The following PRKAR1B variants were observed in gnomAD, a reference collection of about 807,000 sequenced individuals.
PRKAR1B encodes the protein cAMP-dependent protein kinase type I-beta regulatory subunit.
In PRKAR1B, 22 loss-of-function variants were observed where a neutral mutation model predicts 46.5. That is an observed-to-expected ratio of 0.47 (90% confidence interval 0.34 to 0.68). PRKAR1B has a LOEUF of 0.68. PRKAR1B is among the 30% of genes least tolerant of loss of function. The pLI is 0.01. For synonymous variants in PRKAR1B, 259 were observed against 217.7 expected (o/e 1.19, Z -1.67); for missense variants, 445 against 535.6 (o/e 0.83, Z 1.67).
chr7:632,849 A>G (rs1783834008), intron 4 of PRKAR1B, among the ~76,000 whole-genome samples: 1 of 81,046 alleles, frequency 1.2e-5, no homozygotes, highest in African/African-American at 4.1e-5. Context: ...CTGTGTGCCC[A>G]GCCACAGCCT....
intron 8 of PRKAR1B, among the ~76,000 whole-genome samples, chr7:580,098 G>A (rs901878966): frequency 6.6e-6 from 1 of 151,864 alleles, no homozygotes; most frequent in Non-Finnish European, 1.5e-5. Context: ...AGGCGTGGTG[G>A]TGTACACCTG....
chr7:594,936 C>T (rs1282466602), intron 7 of PRKAR1B, among the ~76,000 whole-genome samples: 1 of 152,232 alleles, frequency 6.6e-6, no homozygotes, highest in African/African-American at 2.4e-5. Flanking sequence ...CTGTGGCAGA[C>T]CCAGAGCTTC....
intron 4 of PRKAR1B, among the ~76,000 whole-genome samples, chr7:642,834 C>G (rs921069069): frequency 1.3e-5 from 2 of 151,452 alleles, no homozygotes; most frequent in South Asian, 2.1e-4. Context: ...GCAGCACACT[C>G]GGTTCACCAC....
intron 8 of PRKAR1B, among the ~76,000 whole-genome samples, chr7:582,588 T>G (rs1385331561): frequency 6.6e-6 from 1 of 152,198 alleles, no homozygotes; most frequent in Non-Finnish European, 1.5e-5. Context: ...GGCCAGGGCG[T>G]GCGACGGCCC....
At chr7:637,323 G>C (rs1018569459) in intron 4 of PRKAR1B, among the ~76,000 whole-genome samples, 2 of 151,870 alleles carry the variant, frequency 1.3e-5, no homozygotes, top group African/African-American at 4.8e-5. Context: ...AGGCTGAGGC[G>C]GGAGAATCGC....
chr7:597,046 G>T (rs141509677), intron 6 of PRKAR1B, among the ~76,000 whole-genome samples: 1 of 152,268 alleles, frequency 6.6e-6, no homozygotes, highest in African/African-American at 2.4e-5. Context: ...CATCACAGTT[G>T]GGTCCGTGCA....
At chr7:651,452 A>G (rs1227778704) in intron 4 of PRKAR1B, among the ~76,000 whole-genome samples, 7 of 152,226 alleles carry the variant, frequency 4.6e-5, no homozygotes, top group Admixed American at 3.9e-4. Context: ...TGTGTTATTT[A>G]TCACACAGAC....
chr7:706,921 C>T (rs1209180524), intron 2 of PRKAR1B, among the ~76,000 whole-genome samples: 1 of 152,218 alleles, frequency 6.6e-6, no homozygotes, highest in African/African-American at 2.4e-5. Flanking sequence ...AAAAATCCTC[C>T]ATCAGGGGCT....
intron 7 of PRKAR1B, among the ~76,000 whole-genome samples, chr7:588,609 A>G (rs1273098976): frequency 3.3e-5 from 4 of 122,912 alleles, no homozygotes; most frequent in South Asian, 2.3e-4. Context: ...GGTGATGGTG[A>G]TGGTGGTGAT....
At chr7:671,359 C>A (rs373709245) in intron 4 of PRKAR1B, among the ~76,000 whole-genome samples, 19 of 152,212 alleles carry the variant, frequency 1.2e-4, no homozygotes, top group African/African-American at 4.3e-4. Context: ...TCAAGAGGAA[C>A]GAGCCATGCA....
At chr7:699,315 T>C (rs890874384) in intron 2 of PRKAR1B, among the ~76,000 whole-genome samples, 4 of 152,126 alleles carry the variant, frequency 2.6e-5, no homozygotes, top group Non-Finnish European at 4.4e-5. Flanking sequence ...AGATAAAGTA[T>C]GCAAAGCACC....
intron 9 of PRKAR1B, among the ~76,000 whole-genome samples, chr7:562,860 C>G (rs919297472): frequency 1.3e-5 from 2 of 152,184 alleles, no homozygotes; most frequent in African/African-American, 2.4e-5. Flanking sequence ...GTCCTGACCC[C>G]AGCTGAGATG....
intron 2 of PRKAR1B, among the ~76,000 whole-genome samples, chr7:710,515 AGCAG>A (rs1780563462): frequency 6.6e-6 from 1 of 152,126 alleles, no homozygotes; most frequent in Non-Finnish European, 1.5e-5. Flanking sequence ...GAAGACCGTG[AGCAG>A]GCCTGAGCTT....
intron 2 of PRKAR1B, among the ~76,000 whole-genome samples, chr7:695,202 G>A (rs1350634414): frequency 6.6e-6 from 1 of 152,166 alleles, no homozygotes; most frequent in Non-Finnish European, 1.5e-5. Context: ...GTGCAGGGAT[G>A]GTTTTGGGGC....
At chr7:551,527 C>T (rs1338294056) in intron 9 of PRKAR1B, 57 bp from the exon 10 acceptor site, 25 of 1,512,360 alleles carry the variant, frequency 1.7e-5, no homozygotes, top group East Asian at 2.5e-5. Flanking sequence ...GGGTGGGACA[C>T]ACGTGAGGGG....
chr7:674,830 AC>A (rs1355241450), intron 4 of PRKAR1B, among the ~76,000 whole-genome samples: 3 of 152,228 alleles, frequency 2.0e-5, no homozygotes, highest in Admixed American at 6.5e-5. Flanking sequence ...GTAACTGGGC[AC>A]CCTGGACCCA....
Position 631,972 on chromosome 7 carries a change from G to A in PRKAR1B, c.441-24520C>T, listed in dbSNP as rs1020415914. Among the ~76,000 whole-genome samples, 4 of 150,876 alleles carry A rather than the reference G, an allele frequency of 2.7e-5. No homozygotes were observed. In the South Asian group the frequency reaches 6.3e-4, roughly 24 times the overall value. Reference sequence around the variant, plus strand: ...ACCCTGTCTCAAAAAAAAAAGCAGCGGGAGGAGAGCACCTTGTGTCCCGAT... The same window carrying A: ...ACCCTGTCTCAAAAAAAAAAGCAGCAGGAGGAGAGCACCTTGTGTCCCGAT... On this transcript the variant is annotated intron_variant, in intron 4 of 10. Transcript: ENST00000537384.
chr7:680,409 C>T (rs1778600393), intron 3 of PRKAR1B, 147 bp downstream of exon 3: 3 of 818,724 alleles, frequency 3.7e-6, no homozygotes, highest in Non-Finnish European at 3.6e-6. Context: ...ACTGCCTCTG[C>T]CATCACCCAC....
At chr7:579,509 G>C in intron 8 of PRKAR1B, 132 bp from the exon 9 acceptor site, 1 of 1,207,116 alleles carries the variant, frequency 8.3e-7, no homozygotes, top group Non-Finnish European at 1.1e-6. Flanking sequence ...TGACCAGTAA[G>C]CTGCATAAGA....
Sources: allele counts gnomAD v4.1 joint callset (sites outside exome capture counted in the v4.1 genomes callset), GRCh38; gene constraint gnomAD v4.1.1; transcripts MANE v1.5; gene names NCBI Gene and HGNC (gene_info 2026-07-23, HGNC 2026-07-21).